The following ENTPD3 variants were observed in gnomAD, a reference collection of about 807,000 sequenced individuals.
The protein encoded by ENTPD3 is ectonucleoside triphosphate diphosphohydrolase 3.
A neutral mutation model predicts 51.2 loss-of-function variants in ENTPD3; 60 were observed. The observed-to-expected ratio is 1.17, with a 90% CI of 0.95 to 1.45. The LOEUF is 1.45. Among genes scored for constraint, ENTPD3 ranks in the 40% most tolerant of loss-of-function variants. ENTPD3 has a pLI of 0.00. For missense variants in ENTPD3, 593 were observed against 641.1 expected, an observed-to-expected ratio of 0.93 and a Z score of 0.81; for synonymous variants, 221 against 238.4, an observed-to-expected ratio of 0.93 and a Z score of 0.67.
In ENTPD3 at chr3:40,417,797, T is replaced by C. The variant is rs79254798; in HGVS notation, c.831+1724T>C. Among the ~76,000 whole-genome samples the C allele has an allele frequency of 5.8e-3, 887 of 152,316 alleles. 6 individuals carry two copies. The highest frequency in any genetic ancestry group is 0.02 in the African/African-American group (829 of 41,574). On this transcript the variant is annotated intron_variant, in intron 7 of 10. Transcript: ENST00000301825. ...TCTGGAAAATCCTCTTTTCTCCAGC[T>C]CCTTTTACCTCTAGCAATGCCTAAT...
rs531372385 is a variant in ENTPD3 at position 40,417,271 on chromosome 3, T to C, written c.831+1198T>C. On this transcript the variant is annotated intron_variant, in intron 7 of 10. Coordinates refer to ENST00000301825, the MANE Select transcript of ENTPD3 (RefSeq NM_001248.4). ...CTATAAAGAAATACCTGAAACTGGGTAATTTATAAAGAAAAGAGGTTTGTT... is the reference window on the plus strand; with the variant it reads ...CTATAAAGAAATACCTGAAACTGGGCAATTTATAAAGAAAAGAGGTTTGTT... Among the ~76,000 whole-genome samples, 18 of 152,316 alleles carry C rather than the reference T, an allele frequency of 1.2e-4. No homozygotes were observed. In the South Asian group the frequency reaches 3.7e-3, roughly 32 times the overall value.
rs2125615220 is a variant in ENTPD3, at chr3:40,427,675, A to G, written c.*167A>G. ...TTTCTGCCACAGCACCTCTTGAGGCATCCCTTGGCTATTCTGTGCATATTG... is the reference window on the plus strand; with the variant it reads ...TTTCTGCCACAGCACCTCTTGAGGCGTCCCTTGGCTATTCTGTGCATATTG... On this transcript the variant is annotated 3_prime_UTR_variant, in exon 11 of 11. Transcript: ENST00000301825. 1 of 616,854 alleles carries G rather than the reference A, an allele frequency of 1.6e-6. No homozygotes were observed. The highest frequency in any genetic ancestry group is 2.9e-6 in the Non-Finnish European group (1 of 345,794). The allele number at this position is 616,854 out of a possible 1,614,324, so 38.2% of individuals were successfully genotyped here. A position where few individuals can be genotyped will look rare whatever the true frequency, so the allele number is the denominator to read the frequency against.
At chr3:40,418,406 A>G (rs139378286) in intron 7 of ENTPD3, among the ~76,000 whole-genome samples, 25 of 152,324 alleles carry the variant, frequency 1.6e-4, no homozygotes, top group African/African-American at 5.8e-4. Flanking sequence ...AGTAAATTCC[A>G]TCAGTCTGGA....
intron 10 of ENTPD3, chr3:40,424,941 T>A: frequency 1.7e-6 from 1 of 590,494 alleles, no homozygotes; most frequent in Non-Finnish European, 3.1e-6. Context: ...ACATAAGGAC[T>A]GTTGGTAGCA....
intron 4 of ENTPD3, among the ~76,000 whole-genome samples, chr3:40,403,893 C>T (rs1363293076): frequency 6.6e-6 from 1 of 152,108 alleles, no homozygotes; most frequent in African/African-American, 2.4e-5. Flanking sequence ...AAGCCATCCT[C>T]CTGCCTCAGC....
intron 2 of ENTPD3, among the ~76,000 whole-genome samples, chr3:40,388,596 ACACACACAC>A (rs1954993309): frequency 7.0e-6 from 1 of 142,556 alleles, no homozygotes; most frequent in Non-Finnish European, 1.5e-5. Flanking sequence ...ACACACACAC[ACACACACAC>A]ACACACACAC....
intron 4 of ENTPD3, among the ~76,000 whole-genome samples, chr3:40,409,063 G>A (rs530830051): frequency 1.3e-5 from 2 of 152,128 alleles, no homozygotes; most frequent in Admixed American, 1.3e-4. Flanking sequence ...GACCAGCCTG[G>A]CCAACATGGT....
chr3:40,422,645 A>T (rs1955902238), intron 7 of ENTPD3, among the ~76,000 whole-genome samples: 1 of 151,762 alleles, frequency 6.6e-6, no homozygotes, highest in South Asian at 2.1e-4. Flanking sequence ...ACTGAGAATG[A>T]TGATTTTCAA....
At chr3:40,405,015 C>T (rs1327433877) in intron 4 of ENTPD3, among the ~76,000 whole-genome samples, 1 of 152,174 alleles carries the variant, frequency 6.6e-6, no homozygotes, top group Non-Finnish European at 1.5e-5. Context: ...GTGCTGGGTT[C>T]TCTGCATGCG....
chr3:40,428,013 A>G lies in ENTPD3; in HGVS notation c.*505A>G, dbSNP rs561307490. On this transcript the variant is annotated 3_prime_UTR_variant, in exon 11 of 11. Transcript: ENST00000301825. Reference sequence around the variant, plus strand: ...CCCCCTCAGATCAGTAGAATATAGTATCTGGGGGAGAAGACTTACTTCCTT... The same window carrying G: ...CCCCCTCAGATCAGTAGAATATAGTGTCTGGGGGAGAAGACTTACTTCCTT... 3.7e-5 allele frequency: 6 copies of G among 161,296 alleles called. No homozygotes were observed. The East Asian group carries it at 1.1e-3, about 29-fold the overall frequency. 10.0% of individuals were successfully genotyped at this position (161,296 alleles called of 1,614,324 possible). A position where few individuals can be genotyped will look rare whatever the true frequency, so the allele number is the denominator to read the frequency against.
At chr3:40,400,623 C>T (rs760780122) in intron 3 of ENTPD3, among the ~76,000 whole-genome samples, 1 of 151,696 alleles carries the variant, frequency 6.6e-6, no homozygotes, top group Non-Finnish European at 1.5e-5. Flanking sequence ...GTAGACTTGG[C>T]ATTGGGGGAT....
chr3:40,407,318 G>GTAGA lies in ENTPD3; in HGVS notation c.287-4492_287-4489dup, dbSNP rs1180249476. Among the ~76,000 whole-genome samples the GTAGA allele has an allele frequency of 4.0e-5, 6 of 151,466 alleles. No individual in the cohort carries two copies. The East Asian group carries it at 7.7e-4, about 20-fold the overall frequency. On this transcript the variant is annotated intron_variant, in intron 4 of 10. Transcript: ENST00000301825. The stretch of plus-strand genomic sequence containing the variant: ...GCATGAAAACAGCCATAGACAACAG[G>GTAGA]TAGATGAATTAGCATGTTTGCATTT...
chr3:40,418,391 G>C (rs545615305), intron 7 of ENTPD3, among the ~76,000 whole-genome samples: 1 of 152,200 alleles, frequency 6.6e-6, no homozygotes, highest in African/African-American at 2.4e-5. Context: ...TGTAAACACT[G>C]ACTGAGTAAA....
intron 3 of ENTPD3, among the ~76,000 whole-genome samples, chr3:40,400,251 G>A (rs1157962058): frequency 7.0e-6 from 1 of 143,556 alleles, no homozygotes; most frequent in African/African-American, 2.7e-5. Context: ...GGTGATAAGA[G>A]TGAACTGCAT....
rs941444700 is a variant in ENTPD3 at position 40,428,431 on chromosome 3, G to C, written c.*923G>C. 2 of 152,250 alleles carry C rather than the reference G, an allele frequency of 1.3e-5. No individual in the cohort carries two copies. The highest frequency in any genetic ancestry group is 6.5e-5 in the Admixed American group (1 of 15,288). 9.4% of individuals were successfully genotyped at this position (152,250 alleles called of 1,614,324 possible). A position where few individuals can be genotyped will look rare whatever the true frequency, so the allele number is the denominator to read the frequency against. ...TAACCAATTACTTTCCCAGATCATA[G>C]ACCTCTCTGCATAGTAGTCATAGGT... On this transcript the variant is annotated 3_prime_UTR_variant, in exon 11 of 11. Coordinates refer to ENST00000301825, the MANE Select transcript of ENTPD3 (RefSeq NM_001248.4).
chr3:40,413,604 C>G (rs755303104), intron 5 of ENTPD3, among the ~76,000 whole-genome samples: 1 of 152,092 alleles, frequency 6.6e-6, no homozygotes, highest in Non-Finnish European at 1.5e-5. Flanking sequence ...GGTTGCTTCC[C>G]CTCCCTCCCC....
At position 40,423,852 on chromosome 3, in the gene ENTPD3, T is replaced by C; in HGVS notation, c.1242T>C (p.Asp414=). The change falls in exon 10 of 11, where the codon GAT becomes GAC. Residue 414 remains aspartate, a synonymous_variant. Transcript: ENST00000301825. The part of the protein sequence containing the change: ...SQLPLLLPKF[D]EVYARSYCFS... Reference sequence around the variant, plus strand: ...TCCCACTGCTGCTCCCCAAATTTGATGAGGTATATGCCCGCTCTTACTGCT... The same window carrying C: ...TCCCACTGCTGCTCCCCAAATTTGACGAGGTATATGCCCGCTCTTACTGCT... 1 of 1,613,984 alleles carries C rather than the reference T, an allele frequency of 6.2e-7. No individual in the cohort carries two copies. The highest frequency in any genetic ancestry group is 1.1e-5 in the South Asian group (1 of 91,044).
intron 8 of ENTPD3, 82 bp downstream of exon 8, chr3:40,423,204 T>C (rs1440545353): frequency 6.4e-6 from 10 of 1,558,090 alleles, no homozygotes; most frequent in Non-Finnish European, 7.0e-6. Flanking sequence ...TGCTGACTTG[T>C]TAGCCACCTT....
chr3:40,406,886 C>T (rs915652443), intron 4 of ENTPD3, among the ~76,000 whole-genome samples: 1 of 152,090 alleles, frequency 6.6e-6, no homozygotes, highest in South Asian at 2.1e-4. Context: ...TTATCTACCC[C>T]AAAATGTCAG....
Sources: allele counts gnomAD v4.1 joint callset (sites outside exome capture counted in the v4.1 genomes callset), GRCh38; gene constraint gnomAD v4.1.1; transcripts MANE v1.5; gene names NCBI Gene and HGNC (gene_info 2026-07-23, HGNC 2026-07-21).